Variants in CFAP54 observed in about 807,000 individuals in gnomAD.
CFAP54 encodes the protein cilia- and flagella-associated protein 54.
A neutral mutation model predicts 370.4 loss-of-function variants in CFAP54; 290 were observed. That is an observed-to-expected ratio of 0.78 (90% CI 0.71 to 0.86). The LOEUF (loss-of-function observed/expected upper bound fraction) is 0.86, where lower values mean the gene tolerates loss of function less well. CFAP54 is among the 40% of genes least tolerant of loss of function. The probability of loss-of-function intolerance (pLI) is 0.00; values close to 1 mark genes in which losing one functional copy is unlikely to be tolerated. For synonymous variants in CFAP54, 1,206 were observed against 1,236.5 expected (o/e 0.98, Z 0.52); for missense variants, 3,399 against 3,528.7 (o/e 0.96, Z 0.93).
chr12:96,694,270 T>C (rs566987794), intron 45 of CFAP54, among the ~76,000 whole-genome samples: 1 of 152,334 alleles, frequency 6.6e-6, no homozygotes, highest in Non-Finnish European at 1.5e-5. Flanking sequence ...GTTAAGGTTC[T>C]CTGCCTTTGA....
At chr12:96,773,462 C>T (rs1958483598) in intron 60 of CFAP54, among the ~76,000 whole-genome samples, 2 of 152,194 alleles carry the variant, frequency 1.3e-5, no homozygotes, top group African/African-American at 4.8e-5. Context: ...GTTGCAAGGA[C>T]ATTTGGGAAG....
intron 26 of CFAP54, among the ~76,000 whole-genome samples, chr12:96,617,639 T>G (rs1956434895): frequency 6.6e-6 from 1 of 152,146 alleles, no homozygotes; most frequent in Non-Finnish European, 1.5e-5. Flanking sequence ...CACACACACA[T>G]TAATTCGTGT....
At chr12:96,561,237 C>A (rs1955812003) in intron 17 of CFAP54, among the ~76,000 whole-genome samples, 1 of 152,138 alleles carries the variant, frequency 6.6e-6, no homozygotes, top group Non-Finnish European at 1.5e-5. Context: ...CTTTCCCATG[C>A]CGTTCTCATG....
intron 14 of CFAP54, among the ~76,000 whole-genome samples, chr12:96,544,307 A>G (rs949818912): frequency 8.5e-5 from 13 of 152,150 alleles, no homozygotes; most frequent in African/African-American, 3.1e-4. Flanking sequence ...TTGGTTCATG[A>G]AGTAGCTTCA....
chr12:96,650,421 T>C (rs1956845906), intron 35 of CFAP54, among the ~76,000 whole-genome samples: 1 of 152,182 alleles, frequency 6.6e-6, no homozygotes, highest in Non-Finnish European at 1.5e-5. Flanking sequence ...GGTTCCTCTA[T>C]GGGGACTTGA....
intron 67 of CFAP54, among the ~76,000 whole-genome samples, chr12:96,863,259 C>T (rs566519975): frequency 6.6e-6 from 1 of 152,002 alleles, no homozygotes; most frequent in South Asian, 2.1e-4. Flanking sequence ...GAGGTATCAC[C>T]AACACTCCAC....
intron 61 of CFAP54, among the ~76,000 whole-genome samples, chr12:96,786,192 T>C (rs1958626978): frequency 6.9e-6 from 1 of 143,948 alleles, no homozygotes; most frequent in African/African-American, 2.5e-5. Flanking sequence ...AATTTTCTTT[T>C]TTTTAATCTT....
chr12:96,792,421 G>T lies in CFAP54; in HGVS notation c.8772G>T (p.Thr2924=), dbSNP rs148044144. The T allele has an allele frequency of 6.5e-6, 10 of 1,535,702 alleles. No individual in the cohort carries two copies. The highest frequency in any genetic ancestry group is 5.9e-5 in the Admixed American group (3 of 50,966). Residue 2924 remains threonine (T), a synonymous_variant, in exon 63 of 68, where the codon ACG becomes ACT. Coordinates refer to ENST00000524981, the MANE Select transcript of CFAP54 (RefSeq NM_001306084.2). ...ACATAACGCCAATAGAAATGGTAAC[G>T]CAAGCTTCAAACAAAGAACTTTGCT... is the stretch of plus-strand genomic sequence containing the variant. The part of the protein sequence containing the change: ...CVDITPIEMV[T]QASNKELCFQ...
In CFAP54 at chr12:96,753,961, C is replaced by T. The variant is rs950139819; in HGVS notation, c.7840+63C>T. ...ATGGAATTCTTTTTTCTGTCAACAA[C>T]AGGATTCTTGAAAATCTGGTCCCTG... On this transcript the variant is annotated intron_variant, in intron 56 of 67. Transcript: ENST00000524981. 1.2e-5 allele frequency: 19 copies of T among 1,533,078 alleles called. No individual in the cohort carries two copies. In the African/African-American group the frequency reaches 1.8e-4, roughly 14 times the overall value. 95.0% of individuals were successfully genotyped at this position (1,533,078 alleles called of 1,614,324 possible).
chr12:96,492,588 C>T (rs1418817170), intron 1 of CFAP54, among the ~76,000 whole-genome samples: 2 of 152,146 alleles, frequency 1.3e-5, no homozygotes, highest in African/African-American at 2.4e-5. Flanking sequence ...ATGTAAGCTC[C>T]CTGGTGACTT....
intron 50 of CFAP54, among the ~76,000 whole-genome samples, chr12:96,726,777 A>G (rs1334844652): frequency 1.3e-5 from 2 of 151,854 alleles, no homozygotes; most frequent in African/African-American, 2.4e-5. Context: ...TAGGGTGTCA[A>G]TTTTGGATCT....
chr12:96,737,379 T>C (rs955418512), intron 50 of CFAP54, among the ~76,000 whole-genome samples: 1 of 151,902 alleles, frequency 6.6e-6, no homozygotes, highest in African/African-American at 2.4e-5. Flanking sequence ...TTATTATCTT[T>C]TTTTAAAAAA....
At chr12:96,706,812 G>A (rs1394362768) in intron 47 of CFAP54, among the ~76,000 whole-genome samples, 14 of 152,062 alleles carry the variant, frequency 9.2e-5, no homozygotes, top group African/African-American at 3.4e-4. Flanking sequence ...GTGTGTTTGT[G>A]TGCGCACGTG....
intron 63 of CFAP54, among the ~76,000 whole-genome samples, chr12:96,809,823 T>C (rs907038413): frequency 6.6e-6 from 1 of 152,166 alleles, no homozygotes. Context: ...CTTTGACATA[T>C]CAGTTTCCCC....
At chr12:96,647,661 A>G (rs1956811600) in intron 33 of CFAP54, among the ~76,000 whole-genome samples, 2 of 151,912 alleles carry the variant, frequency 1.3e-5, no homozygotes, top group Non-Finnish European at 2.9e-5. Context: ...AGAGAAATAT[A>G]TATTGATGTT....
chr12:96,574,200 T>G (rs2136419635), intron 19 of CFAP54, among the ~76,000 whole-genome samples: 1 of 152,310 alleles, frequency 6.6e-6, no homozygotes, highest in Non-Finnish European at 1.5e-5. Context: ...ATCTCCAGTT[T>G]TTTACCTTCC....
chr12:96,576,134 C>G (rs1955972809), intron 19 of CFAP54, among the ~76,000 whole-genome samples: 1 of 151,944 alleles, frequency 6.6e-6, no homozygotes, highest in Admixed American at 6.6e-5. Flanking sequence ...AAAAGAAACT[C>G]TCAATAATAT....
intron 65 of CFAP54, among the ~76,000 whole-genome samples, chr12:96,823,110 G>A (rs926304553): frequency 2.3e-5 from 3 of 128,236 alleles, no homozygotes; most frequent in African/African-American, 5.8e-5. Flanking sequence ...TACATAGATC[G>A]TGTGTGTTTG....
chr12:96,683,721 A>G (rs886441782), intron 40 of CFAP54, among the ~76,000 whole-genome samples: 3 of 152,060 alleles, frequency 2.0e-5, no homozygotes, highest in East Asian at 1.9e-4. Context: ...AACCACTGCC[A>G]TGTTGGTTGG....
Sources: allele counts gnomAD v4.1 joint callset (sites outside exome capture counted in the v4.1 genomes callset), GRCh38; gene constraint gnomAD v4.1.1; transcripts MANE v1.5; gene names NCBI Gene and HGNC (gene_info 2026-07-23, HGNC 2026-07-21).